Variants in BRD4 observed in about 807,000 individuals in gnomAD.
BRD4 encodes bromodomain containing 4.
A neutral mutation model predicts 142.1 loss-of-function variants in BRD4; 16 were observed. That is an observed-to-expected ratio of 0.11 (90% CI 0.08 to 0.17). BRD4 has a LOEUF of 0.17. Ranked by LOEUF, BRD4 falls within the 10% of genes least tolerant of loss-of-function variation. The pLI, the probability that BRD4 is intolerant of heterozygous loss-of-function variation, is 1.00. For missense variants in BRD4, 1,424 were observed against 1,810.9 expected (o/e 0.79, Z 3.88); for synonymous variants, 833 against 707.5 (o/e 1.18, Z -2.82).
At chr19:15,288,844 G>A (rs1406486766) in intron 1 of BRD4, among the ~76,000 whole-genome samples, 1 of 152,208 alleles carries the variant, frequency 6.6e-6, no homozygotes, top group African/African-American at 2.4e-5. Flanking sequence ...ACACGCAACA[G>A]TACCATCTGC....
In BRD4 at chr19:15,249,386, C is replaced by T; in HGVS notation, c.2159-4624G>A. The T allele has an allele frequency of 4.4e-6, 7 of 1,596,658 alleles. No individual in the cohort carries two copies. In the South Asian group the frequency reaches 6.7e-5, roughly 15 times the overall value. On this transcript the variant is annotated intron_variant, in intron 11 of 19. Transcript: ENST00000679869. ...GAAGAACCGCAGACTGAGCCAACCTCCTGCGCCCTGGTGGCTGATGGGCAC... is the reference window on the plus strand; with the variant it reads ...GAAGAACCGCAGACTGAGCCAACCTTCTGCGCCCTGGTGGCTGATGGGCAC...
At chr19:15,332,132 A>G (rs1174119123) in intron 1 of BRD4, among the ~76,000 whole-genome samples, 158 bp downstream of exon 1, 1 of 144,076 alleles carries the variant, frequency 6.9e-6, no homozygotes, top group Non-Finnish European at 1.5e-5. Flanking sequence ...CGCAGGCCCG[A>G]GCCCGCGTAG....
At chr19:15,294,224 C>T (rs921752952) in intron 1 of BRD4, among the ~76,000 whole-genome samples, 5 of 152,230 alleles carry the variant, frequency 3.3e-5, no homozygotes, top group Non-Finnish European at 5.9e-5. Context: ...AACGCCAAGG[C>T]GAAATGTTCT....
intron 1 of BRD4, among the ~76,000 whole-genome samples, chr19:15,326,565 G>A (rs2048110082): frequency 1.3e-5 from 2 of 152,080 alleles, no homozygotes; most frequent in South Asian, 4.2e-4. Context: ...ACAAATAACT[G>A]GAAGGAAAGA....
At chr19:15,267,348 C>T in intron 4 of BRD4, 68 bp downstream of exon 4, 1 of 1,577,410 alleles carries the variant, frequency 6.3e-7, no homozygotes, top group African/African-American at 1.4e-5. Context: ...TCCCAGCCCC[C>T]CACCAAACTT....
intron 1 of BRD4, among the ~76,000 whole-genome samples, chr19:15,320,743 TAC>T (rs1480356318): frequency 6.6e-6 from 1 of 152,212 alleles, no homozygotes; most frequent in African/African-American, 2.4e-5. Flanking sequence ...ACAGGTAAGA[TAC>T]ACAGTGTCTT....
At chr19:15,257,279 AG>A in intron 7 of BRD4, 106 bp from the exon 8 acceptor site, 1 of 1,075,182 alleles carries the variant, frequency 9.3e-7, no homozygotes, top group Non-Finnish European at 1.3e-6. Flanking sequence ...AAAGCAACCG[AG>A]GGCGAAAGAG....
chr19:15,256,522 C>T (rs1199384621), intron 8 of BRD4, among the ~76,000 whole-genome samples: 4 of 152,144 alleles, frequency 2.6e-5, no homozygotes, highest in African/African-American at 9.7e-5. Flanking sequence ...CTGATCAAGC[C>T]GACAGACACC....
At chr19:15,261,904 A>T (rs184781785) in intron 7 of BRD4, among the ~76,000 whole-genome samples, 357 of 151,692 alleles carry the variant, frequency 2.4e-3, no homozygotes, top group African/African-American at 8.0e-3. Flanking sequence ...ATAAATAAAT[A>T]AAAAAAAGTA....
chr19:15,301,628 G>T (rs761350395), intron 1 of BRD4, among the ~76,000 whole-genome samples: 1 of 151,466 alleles, frequency 6.6e-6, no homozygotes, highest in Admixed American at 6.6e-5. Context: ...TTGGGAAGCC[G>T]AGGTGGACAG....
intron 1 of BRD4, among the ~76,000 whole-genome samples, chr19:15,277,201 T>C (rs1403881130): frequency 2.0e-5 from 3 of 152,194 alleles, no homozygotes; most frequent in Admixed American, 2.0e-4. Context: ...TCGCTTATTG[T>C]TTCCAATCCA....
chr19:15,263,543 T>C lies in BRD4; in HGVS notation c.1218A>G (p.Lys406=). 6.2e-7 allele frequency: 1 copy of C among 1,614,144 alleles called. No individual in the cohort carries two copies. The highest frequency in any genetic ancestry group is 1.3e-5 in the African/African-American group (1 of 75,034). The change falls in exon 7 of 20, where the codon AAA becomes AAG. Residue 406 remains lysine (K), a synonymous_variant. Coordinates refer to ENST00000679869, the MANE Select transcript of BRD4 (RefSeq NM_001379291.1). ...HPMDMSTIKS[K]LEAREYRDAQ... ...CATCACGGTACTCACGGGCCTCCAG[T>C]TTAGACTGGAAAACAAGACAAGTCC... is the stretch of plus-strand genomic sequence containing the variant.
Position 15,239,793 on chromosome 19 carries a change from G to T in BRD4, c.3311C>A (p.Pro1104His), listed in dbSNP as rs1414112171. ...CTCCTTCACCACCACGAGGGGCTGGGGCTGGACCACGGAGGCAGCACGCAG... is the reference window on the plus strand; with the variant it reads ...CTCCTTCACCACCACGAGGGGCTGGTGCTGGACCACGGAGGCAGCACGCAG... The part of the protein sequence containing the change: ...QELRAASVVQ[P>H]QPLVVVKEEK... Residue 1104 changes from proline to histidine, a missense_variant, in exon 16 of 20, where the codon CCC (proline) becomes CAC (histidine). Physicochemically the swap from Pro to His is moderately conservative, Grantham distance 77. Around this residue, in one of 16 missense-constraint regions of BRD4, gnomAD observed 598 missense variants for 647.8 expected, o/e 0.92. Coordinates refer to ENST00000679869, the MANE Select transcript of BRD4 (RefSeq NM_001379291.1). The surrounding 1 kb of genome is among the most constrained non-coding windows in gnomAD (Gnocchi z 7.4). 1 of 1,613,324 alleles carries T rather than the reference G, an allele frequency of 6.2e-7. No individual in the cohort carries two copies. The highest frequency in any genetic ancestry group is 8.5e-7 in the Non-Finnish European group (1 of 1,179,932).
rs762817978 is a variant in BRD4 at position 15,237,017 on chromosome 19, T to TAAAA, written c.*1356_*1359dup. 2 of 119,454 alleles carry TAAAA rather than the reference T, an allele frequency of 1.7e-5. No individual in the cohort carries two copies. Among genetic ancestry groups the TAAAA allele is most frequent in the Non-Finnish European group, 3.3e-5 (2 of 61,092 alleles). The allele number at this position is 119,454 out of a possible 1,614,324, so 7.4% of individuals were successfully genotyped here. On this transcript the variant is annotated 3_prime_UTR_variant, in exon 20 of 20. Transcript: ENST00000679869. ...CACCAGGGGCTCCAATTATAAAAAT[T>TAAAA]AAAAAAAAAAAAAAAAAAAAGCATG...
At chr19:15,261,146 G>A (rs890076184) in intron 7 of BRD4, among the ~76,000 whole-genome samples, 1 of 152,216 alleles carries the variant, frequency 6.6e-6, no homozygotes, top group African/African-American at 2.4e-5. Context: ...GCACCAATCT[G>A]AGGGCGCCAC....
At chr19:15,304,012 A>T (rs943155464) in intron 1 of BRD4, among the ~76,000 whole-genome samples, 3 of 152,310 alleles carry the variant, frequency 2.0e-5, no homozygotes, top group Middle Eastern at 3.4e-3. Flanking sequence ...GTAGGATGAA[A>T]GAGCTCAGGG....
chr19:15,252,182 A>T (rs2047354840), intron 11 of BRD4, among the ~76,000 whole-genome samples: 1 of 152,162 alleles, frequency 6.6e-6, no homozygotes, highest in Non-Finnish European at 1.5e-5. Context: ...AGCCCAGAAG[A>T]GGGACGCAGA....
At chr19:15,297,537 C>T (rs2047833893) in intron 1 of BRD4, among the ~76,000 whole-genome samples, 1 of 152,218 alleles carries the variant, frequency 6.6e-6, no homozygotes, top group African/African-American at 2.4e-5. Context: ...GCCTGACGCA[C>T]TTCCACACAT....
chr19:15,325,961 G>A (rs2048104054), intron 1 of BRD4, among the ~76,000 whole-genome samples: 1 of 128,880 alleles, frequency 7.8e-6, no homozygotes, highest in Non-Finnish European at 1.5e-5. Context: ...TCGTGCCATT[G>A]CACTCCAGCC....
Sources: gnomAD v4.1 joint callset for allele counts (sites outside exome capture counted in the v4.1 genomes callset) on GRCh38, gnomAD v4.1.1 for gene constraint, gnomAD v4.1.1 regional missense constraint, Gnocchi (gnomAD v3.1) non-coding constraint, MANE v1.5 for transcripts, NCBI Gene and HGNC (gene_info 2026-07-23, HGNC 2026-07-21) for gene names.